Variants in TGFBRAP1 observed in about 807,000 individuals in gnomAD.
TGFBRAP1 encodes transforming growth factor beta receptor associated protein 1.
TGFBRAP1 carries 20 observed loss-of-function variants against 83.2 expected under a neutral mutation model. That is an observed-to-expected ratio of 0.24 (90% CI 0.17 to 0.35). The LOEUF is 0.35. Among genes scored for constraint, TGFBRAP1 ranks in the 10% least tolerant of loss-of-function variants. The probability of loss-of-function intolerance (pLI) is 1.00; values close to 1 mark genes in which losing one functional copy is unlikely to be tolerated. For missense variants in TGFBRAP1, 950 were observed against 1,099.4 expected, an observed-to-expected ratio of 0.86 and a Z score of 1.92; for synonymous variants, 415 against 459.8, an observed-to-expected ratio of 0.90 and a Z score of 1.25.
chr2:105,251,267 CAT>C, the TGFBRAP1 span, among the ~76,000 whole-genome samples: 2 of 146,766 alleles, frequency 1.4e-5, no homozygotes, highest in Admixed American at 1.4e-4. Flanking sequence ...CCTGGCTGCC[CAT>C]CGTCTGGGAT....
intron 1 of TGFBRAP1, among the ~76,000 whole-genome samples, chr2:105,326,088 T>C (rs1054994216): frequency 5.9e-5 from 9 of 152,230 alleles, no homozygotes; most frequent in African/African-American, 1.9e-4. Flanking sequence ...AATATTATCA[T>C]GATGTATATT....
chr2:105,316,473 G>GCGCGCGCGCA (rs1558654705), intron 1 of TGFBRAP1, among the ~76,000 whole-genome samples: 1 of 81,236 alleles, frequency 1.2e-5, no homozygotes, highest in African/African-American at 4.2e-5. Flanking sequence ...GCGCGCGCGC[G>GCGCGCGCGCA]CGCGCGCACG....
At chr2:105,317,810 A>G (rs1678931544) in intron 1 of TGFBRAP1, among the ~76,000 whole-genome samples, 1 of 152,204 alleles carries the variant, frequency 6.6e-6, no homozygotes, top group African/African-American at 2.4e-5. Context: ...GATCTAACAG[A>G]AGGATGGGCG....
At chr2:105,311,682 T>G (rs1678698281) in intron 1 of TGFBRAP1, among the ~76,000 whole-genome samples, 1 of 152,154 alleles carries the variant, frequency 6.6e-6, no homozygotes, top group Non-Finnish European at 1.5e-5. Context: ...GCGGATCACC[T>G]GAGGTCAGGA....
At chr2:105,251,458 G>A in the TGFBRAP1 span, among the ~76,000 whole-genome samples, 21 of 150,658 alleles carry the variant, frequency 1.4e-4, no homozygotes, top group African/African-American at 4.2e-4. Context: ...CCTGGCAACC[G>A]CCCCGTCTGA....
intron 7 of TGFBRAP1, 62 bp from the exon 8 acceptor site, chr2:105,275,765 A>G: frequency 1.3e-6 from 2 of 1,513,208 alleles, no homozygotes; most frequent in Non-Finnish European, 1.8e-6. Context: ...AAAGGCACAT[A>G]TCTCAGAATT....
chr2:105,281,856 A>T (rs1161557393), intron 5 of TGFBRAP1, among the ~76,000 whole-genome samples: 1 of 151,772 alleles, frequency 6.6e-6, no homozygotes, highest in Non-Finnish European at 1.5e-5. Flanking sequence ...ATGCCTGGAG[A>T]CAATTTTATC....
intron 2 of TGFBRAP1, among the ~76,000 whole-genome samples, chr2:105,300,623 G>A (rs905599911): frequency 2.6e-5 from 4 of 151,948 alleles, no homozygotes; most frequent in African/African-American, 9.7e-5. Context: ...TGTTAGTAGA[G>A]ACGGGGTTTC....
Position 105,269,718 on chromosome 2 carries a change from A to G in TGFBRAP1, c.1973-13T>C. The G allele has an allele frequency of 6.6e-7, 1 of 1,504,046 alleles. No individual in the cohort carries two copies. Among genetic ancestry groups the G allele is most frequent in the Non-Finnish European group, 8.9e-7 (1 of 1,127,404 alleles). The allele number at this position is 1,504,046 out of a possible 1,614,324, so 93.2% of individuals were successfully genotyped here. ...CCCTGCAGCCTCTCTGCAAGACAGA[A>G]CCTGCAGCTCAGAAAGAAAGGGGCT... On this transcript the variant is annotated splice_polypyrimidine_tract_variant and intron_variant, in intron 10 of 11. Coordinates refer to ENST00000393359, the MANE Select transcript of TGFBRAP1 (RefSeq NM_004257.6). The surrounding 1 kb of genome is among the most constrained non-coding windows in gnomAD (Gnocchi z 4.1).
At chr2:105,309,908 A>G (rs1678638233) in intron 1 of TGFBRAP1, among the ~76,000 whole-genome samples, 1 of 152,128 alleles carries the variant, frequency 6.6e-6, no homozygotes, top group African/African-American at 2.4e-5. Flanking sequence ...GAGGCCCCAG[A>G]GAGCTTATTT....
chr2:105,316,420 A>AGTGTGT (rs71393002), intron 1 of TGFBRAP1, among the ~76,000 whole-genome samples: 1,412 of 108,972 alleles, frequency 0.013, 17 homozygotes, highest in East Asian at 0.032. Context: ...AGGTATAGGG[A>AGTGTGT]GTGTGTGTGT....
In TGFBRAP1 at chr2:105,316,569, C is replaced by G. The variant is rs1224955553; in HGVS notation, c.-17-8251G>C. On this transcript the variant is annotated intron_variant, in intron 1 of 11. Coordinates refer to ENST00000393359, the MANE Select transcript of TGFBRAP1 (RefSeq NM_004257.6). ...TGCCTGTAATCCTGTAATCCCAGCACTTTGGGAGGCCGAGGCAAGTGGATC... is the reference window on the plus strand; with the variant it reads ...TGCCTGTAATCCTGTAATCCCAGCAGTTTGGGAGGCCGAGGCAAGTGGATC... 2.0e-5 allele frequency among the ~76,000 whole-genome samples: 3 copies of G among 151,848 alleles called. No homozygotes were observed. In the East Asian group the frequency reaches 5.8e-4, roughly 29 times the overall value.
chr2:105,284,510 C>G (rs959388868), intron 4 of TGFBRAP1, 112 bp from the exon 5 acceptor site: 3 of 951,570 alleles, frequency 3.2e-6, no homozygotes, highest in African/African-American at 1.6e-5. Flanking sequence ...TGTAAAATTA[C>G]AAGCTGAGGA....
intron 8 of TGFBRAP1, 143 bp downstream of exon 8, chr2:105,275,416 TA>T: frequency 1.5e-6 from 2 of 1,351,536 alleles, no homozygotes; most frequent in Non-Finnish European, 9.8e-7. Context: ...GGGAAGGTAT[TA>T]AAAGGGGAAT....
At chr2:105,276,752 A>G (rs986139153) in intron 7 of TGFBRAP1, among the ~76,000 whole-genome samples, 2 of 152,206 alleles carry the variant, frequency 1.3e-5, no homozygotes, top group East Asian at 3.8e-4. Context: ...GCCATTGGGT[A>G]CGTGTTAATT....
At chr2:105,317,461 T>C (rs551122002) in intron 1 of TGFBRAP1, among the ~76,000 whole-genome samples, 146 of 151,702 alleles carry the variant, frequency 9.6e-4, no homozygotes, top group African/African-American at 3.5e-3. Flanking sequence ...AAAGCTAGAT[T>C]CCTACCTCAC....
At chr2:105,311,154 A>C (rs2679859) in intron 1 of TGFBRAP1, among the ~76,000 whole-genome samples, 20,952 of 144,320 alleles carry the variant, frequency 0.15, 1,828 homozygotes, top group South Asian at 0.26. Flanking sequence ...GTAAAAAAAA[A>C]AAAAAAACAA....
In TGFBRAP1 at chr2:105,307,200, T is replaced by C. The variant is rs532593125; in HGVS notation, c.688+414A>G. ...GGGCTGCTGGCTCACTCTCTCAGCA[T>C]CCCACTCTGCCTCATCTTTCAGAAC... On this transcript the variant is annotated intron_variant, in intron 2 of 11. Coordinates refer to ENST00000393359, the MANE Select transcript of TGFBRAP1 (RefSeq NM_004257.6). Among the ~76,000 whole-genome samples the C allele has an allele frequency of 3.9e-5, 6 of 152,266 alleles. No individual in the cohort carries two copies. In the East Asian group the frequency reaches 1.2e-3, roughly 29 times the overall value.
intron 1 of TGFBRAP1, among the ~76,000 whole-genome samples, chr2:105,326,491 A>G (rs538894212): frequency 3.0e-4 from 45 of 152,304 alleles, no homozygotes; most frequent in Middle Eastern, 3.4e-3. Context: ...GCCGAGGCAG[A>G]TGGATTGCTT....
Sources: allele counts gnomAD v4.1 joint callset (sites outside exome capture counted in the v4.1 genomes callset), GRCh38; gene constraint gnomAD v4.1.1; non-coding constraint Gnocchi (gnomAD v3.1); transcripts MANE v1.5; gene names NCBI Gene and HGNC (gene_info 2026-07-23, HGNC 2026-07-21).